SEC13: variants seen among roughly 807,000 people sequenced by gnomAD.
SEC13 encodes the protein SEC13 homolog, nuclear pore and COPII component.
In SEC13, 25 loss-of-function variants were observed where a neutral mutation model predicts 49.2. The ratio of observed to expected loss-of-function variants is 0.51; its 90% CI spans 0.37 to 0.71. The LOEUF is 0.71. SEC13 is among the 30% of genes least tolerant of loss of function. The pLI, the probability that SEC13 is intolerant of heterozygous loss-of-function variation, is 0.00. For synonymous variants in SEC13, 148 were observed against 163.9 expected (o/e 0.90, Z 0.74); for missense variants, 383 against 417.6 (o/e 0.92, Z 0.72).
chr3:10,318,129 T>C, intron 1 of SEC13, 35 bp from the exon 2 acceptor site: 2 of 1,471,614 alleles, frequency 1.4e-6, no homozygotes, highest in Non-Finnish European at 1.9e-6. Context: ...AATTAACTCA[T>C]GGCAGTTAGA....
intron 8 of SEC13, among the ~76,000 whole-genome samples, chr3:10,302,361 C>T (rs1700588153): frequency 6.6e-6 from 1 of 152,182 alleles, no homozygotes. Context: ...TCACTCAACA[C>T]ACTGCAGAAT....
At chr3:10,315,076 G>A (rs118694) in intron 3 of SEC13, 94,285 of 422,106 alleles carry the variant, frequency 0.22, 11,601 homozygotes, top group Middle Eastern at 0.31. Flanking sequence ...AAGGTCTTCT[G>A]GTGGGTACAC....
At position 10,319,018 on chromosome 3, in the gene SEC13, T is replaced by C. The variant is rs956251040; in HGVS notation, c.4-924A>G. 23 of 898,388 alleles carry C rather than the reference T, an allele frequency of 2.6e-5. 1 individual carries two copies. The Middle Eastern group carries it at 7.6e-4, about 30-fold the overall frequency. 55.7% of individuals were successfully genotyped at this position (898,388 alleles called of 1,614,324 possible). A position where few individuals can be genotyped will look rare whatever the true frequency, so the allele number is the denominator to read the frequency against. On this transcript the variant is annotated intron_variant, in intron 1 of 8. Transcript: ENST00000350697. ...AGGAACTCAGCGACTATTTGCTGAA[T>C]GAATAAGTAAATGAACAAAAGCTGT...
At chr3:10,308,415 T>A (rs1025249449) in intron 5 of SEC13, among the ~76,000 whole-genome samples, 6 of 152,264 alleles carry the variant, frequency 3.9e-5, no homozygotes, top group African/African-American at 7.2e-5. Context: ...CAGTCATTTC[T>A]TTTTATTGCT....
At position 10,305,039 on chromosome 3, in the gene SEC13, G is replaced by A. The variant is rs758846061; in HGVS notation, c.702C>T (p.Cys234=). ...IGLPTSTIAS[C]SQDGRVFIWT... is the part of the protein sequence containing the mutation. The stretch of plus-strand genomic sequence containing the variant: ...CTCATGGCCCTGGGCTGACCTGGGA[G>A]CAGCTGGCGATGGTGCTGGTGGGCA... Residue 234 remains cysteine, a synonymous_variant, in exon 7 of 9, where the codon TGC becomes TGT. Transcript: ENST00000350697. 5 of 1,614,014 alleles carry A rather than the reference G, an allele frequency of 3.1e-6. No individual in the cohort carries two copies. In the East Asian group the frequency reaches 8.9e-5, roughly 29 times the overall value.
chr3:10,312,225 G>A, intron 4 of SEC13, 127 bp from the exon 5 acceptor site: 5 of 1,430,138 alleles, frequency 3.5e-6, no homozygotes, highest in African/African-American at 2.9e-5. Flanking sequence ...GGGGGAAGCT[G>A]TAACTTGGTC....
chr3:10,313,199 G>A (rs112826069), intron 3 of SEC13: 3 of 210,682 alleles, frequency 1.4e-5, no homozygotes, highest in African/African-American at 4.5e-5. Flanking sequence ...TAATTTGTTC[G>A]AAAGGCATGT....
chr3:10,315,125 T>C, intron 3 of SEC13, 196 bp downstream of exon 3: 1 of 551,024 alleles, frequency 1.8e-6, no homozygotes, highest in Non-Finnish European at 3.3e-6. Flanking sequence ...TGTATCCACC[T>C]GTGCCCTTAA....
intron 3 of SEC13, 131 bp from the exon 4 acceptor site, chr3:10,312,861 C>G: frequency 1.1e-6 from 1 of 886,878 alleles, no homozygotes; most frequent in South Asian, 1.7e-5. Context: ...GAGAACTATA[C>G]AATGCCATTG....
chr3:10,304,961 C>G lies in SEC13; in HGVS notation c.708+72G>C. On this transcript the variant is annotated intron_variant, in intron 7 of 8. Coordinates refer to ENST00000350697, the MANE Select transcript of SEC13 (RefSeq NM_183352.3). ...CTTTACCTTCCCAGAGGACTTTCTG[C>G]TAAGGAGACTAAGAGCTGATGGGCC... The G allele has an allele frequency of 5.0e-6, 8 of 1,607,784 alleles. No individual in the cohort carries two copies. In the South Asian group the frequency reaches 7.7e-5, roughly 15 times the overall value.
intron 1 of SEC13, chr3:10,320,843 C>G: frequency 7.6e-7 from 1 of 1,319,756 alleles, no homozygotes; most frequent in South Asian, 2.2e-5. Context: ...GCGCGCCCCG[C>G]AAAGTCAGGG....
chr3:10,317,001 C>CAAA (rs35597823), intron 2 of SEC13, among the ~76,000 whole-genome samples: 24 of 74,832 alleles, frequency 3.2e-4, no homozygotes, highest in African/African-American at 4.0e-4. Flanking sequence ...AACTCCATCT[C>CAAA]AAAAAAAAAA....
At chr3:10,308,257 C>T (rs900824017) in intron 5 of SEC13, among the ~76,000 whole-genome samples, 5 of 152,194 alleles carry the variant, frequency 3.3e-5, no homozygotes, top group Non-Finnish European at 7.3e-5. Flanking sequence ...AGCCCCCAAT[C>T]GTGGTGACCA....
chr3:10,314,544 T>A (rs1412812225), intron 3 of SEC13, among the ~76,000 whole-genome samples: 1 of 152,198 alleles, frequency 6.6e-6, no homozygotes. Flanking sequence ...AAATGCTAAA[T>A]ATCAGAGTCA....
intron 8 of SEC13, among the ~76,000 whole-genome samples, chr3:10,302,150 A>G (rs1700569973): frequency 6.6e-6 from 1 of 152,172 alleles, no homozygotes; most frequent in South Asian, 2.1e-4. Context: ...AGGCAGGAGA[A>G]TCGCTTGAAC....
At chr3:10,320,708 T>C in intron 1 of SEC13, 1 of 1,172,486 alleles carries the variant, frequency 8.5e-7, no homozygotes, top group Non-Finnish European at 1.1e-6. Flanking sequence ...ACAAGGCTGT[T>C]AGCAGGCGGA....
At position 10,301,138 on chromosome 3, in the gene SEC13, G is replaced by GTAAC. The variant is rs776545120; in HGVS notation, c.*119_*122dup. 1.6e-5 allele frequency: 26 copies of GTAAC among 1,613,862 alleles called. No homozygotes were observed. The highest frequency in any genetic ancestry group is 1.7e-4 in the Middle Eastern group (1 of 6,054). ...AGATGATCAATCTGTGGCTGCATCTGTAACTCCTCCTGGGAAAATAATCCT... is the reference window on the plus strand; with the variant it reads ...AGATGATCAATCTGTGGCTGCATCTGTAACTAACTCCTCCTGGGAAAATAATCCT... On this transcript the variant is annotated 3_prime_UTR_variant, in exon 9 of 9. Coordinates refer to ENST00000350697, the MANE Select transcript of SEC13 (RefSeq NM_183352.3).
At chr3:10,320,610 C>T in intron 1 of SEC13, 1 of 996,498 alleles carries the variant, frequency 1.0e-6, no homozygotes, top group African/African-American at 1.7e-5. Flanking sequence ...GGCTCTACTA[C>T]CACTTAAGCA....
intron 5 of SEC13, among the ~76,000 whole-genome samples, chr3:10,307,366 G>T (rs555392897): frequency 3.3e-5 from 5 of 152,004 alleles, no homozygotes; most frequent in Non-Finnish European, 5.9e-5. Context: ...GTGCCACCAC[G>T]CCTGGCTAAT....
Sources: gnomAD v4.1 joint callset for allele counts (sites outside exome capture counted in the v4.1 genomes callset) on GRCh38, gnomAD v4.1.1 for gene constraint, MANE v1.5 for transcripts, NCBI Gene and HGNC (gene_info 2026-07-23, HGNC 2026-07-21) for gene names.